The following ATP10B variants were observed in gnomAD, a reference collection of about 807,000 sequenced individuals.
The protein encoded by ATP10B is ATPase phospholipid transporting 10B (putative), also known as phospholipid-transporting ATPase VB.
In ATP10B, 122 loss-of-function variants were observed where a neutral mutation model predicts 141.2. That is an observed-to-expected ratio of 0.86 (90% CI 0.75 to 1.00). ATP10B has a LOEUF of 1.00. Among genes scored for constraint, ATP10B ranks in the 50% least tolerant of loss-of-function variants. The pLI is 0.00. For synonymous variants in ATP10B, 685 were observed against 692.0 expected, an observed-to-expected ratio of 0.99 and a Z score of 0.16; for missense variants, 1,876 against 1,825.3, an observed-to-expected ratio of 1.03 and a Z score of -0.51.
In ATP10B at chr5:160,655,707, A is replaced by G. The variant is rs142913633; in HGVS notation, c.676-6451T>C. On this transcript the variant is annotated intron_variant, in intron 7 of 25. Coordinates refer to ENST00000327245, the MANE Select transcript of ATP10B (RefSeq NM_025153.3). ...ACTTCTTTGGCTCAACAAATAAAAAATGTAGTCACAGTCCTAGATCCCACA... is the reference window on the plus strand; with the variant it reads ...ACTTCTTTGGCTCAACAAATAAAAAGTGTAGTCACAGTCCTAGATCCCACA... Among the ~76,000 whole-genome samples, 319 of 152,306 alleles carry G rather than the reference A, an allele frequency of 2.1e-3. 1 individual carries two copies. Among genetic ancestry groups the G allele is most frequent in the African/African-American group, 7.3e-3 (303 of 41,564 alleles).
the ATP10B span, among the ~76,000 whole-genome samples, chr5:160,893,112 TG>T: frequency 2.0e-5 from 3 of 152,052 alleles, no homozygotes; most frequent in African/African-American, 7.2e-5. Context: ...AGCACAAAAC[TG>T]GGAGGCCGTT....
At position 160,634,374 on chromosome 5, in the gene ATP10B, T is replaced by C; in HGVS notation, c.1361A>G (p.Glu454Gly). The C allele has an allele frequency of 6.2e-7, 1 of 1,614,204 alleles. No individual in the cohort carries two copies. Among genetic ancestry groups the C allele is most frequent in the Non-Finnish European group, 8.5e-7 (1 of 1,180,040 alleles). The change falls in exon 12 of 26, where the codon GAG becomes GGG. Residue 454 changes from glutamate to glycine, a missense_variant. Coordinates refer to ENST00000327245, the MANE Select transcript of ATP10B (RefSeq NM_025153.3). ...VFRRCTIMGS[E>G]YSHQENAKRL... is the part of the protein sequence containing the mutation. ...TATACCATTTTCTTGGTGAGAATACTCGCTGCCCATGATGGTGCAACGTCG... is the reference window on the plus strand; with the variant it reads ...TATACCATTTTCTTGGTGAGAATACCCGCTGCCCATGATGGTGCAACGTCG...
intron 2 of ATP10B, among the ~76,000 whole-genome samples, chr5:160,721,488 GAAA>G (rs1204501913): frequency 6.6e-6 from 1 of 152,130 alleles, no homozygotes; most frequent in African/African-American, 2.4e-5. Context: ...TGAAGCTTCT[GAAA>G]ATTAAACTTT....
intron 9 of ATP10B, among the ~76,000 whole-genome samples, chr5:160,641,480 T>C (rs1401287648): frequency 2.0e-5 from 3 of 152,194 alleles, no homozygotes; most frequent in Non-Finnish European, 4.4e-5. Context: ...TCTCACCCAG[T>C]CACCTTCTTC....
rs553839260 is a variant in ATP10B at position 160,607,393 on chromosome 5, T to C, written c.2839-307A>G. On this transcript the variant is annotated intron_variant, in intron 18 of 25. Transcript: ENST00000327245. ...TAAATAATACTAATATAATGGTAGA[T>C]AATGACAATACGTCATGCTGGTATG... 2.3e-4 allele frequency among the ~76,000 whole-genome samples: 35 copies of C among 152,352 alleles called. No homozygotes were observed. In the South Asian group the frequency reaches 7.2e-3, roughly 32 times the overall value.
At chr5:160,688,673 C>G (rs1173724510) in intron 4 of ATP10B, 87 bp downstream of exon 4, 1 of 766,406 alleles carries the variant, frequency 1.3e-6, no homozygotes, top group Non-Finnish European at 1.6e-6. Context: ...TGGGACACAT[C>G]TTAAAACAAA....
At chr5:160,926,887 T>C in the ATP10B span, among the ~76,000 whole-genome samples, 1 of 152,254 alleles carries the variant, frequency 6.6e-6, no homozygotes, top group Non-Finnish European at 1.5e-5. Context: ...CACACCTTCC[T>C]GTGTATTCGC....
chr5:160,860,489 T>C, the ATP10B span, among the ~76,000 whole-genome samples: 2 of 151,824 alleles, frequency 1.3e-5, no homozygotes, highest in African/African-American at 4.8e-5. Flanking sequence ...AGAAATGAGT[T>C]TGAAGGAATA....
In ATP10B at chr5:160,632,256, C is replaced by T; in HGVS notation, c.1493G>A (p.Ser498Asn). The change falls in exon 13 of 26, where the codon AGC (serine) becomes AAC (asparagine). Residue 498 changes from serine to asparagine, a missense_variant. Coordinates refer to ENST00000327245, the MANE Select transcript of ATP10B (RefSeq NM_025153.3). ...RWAQDPATMRSQKGAQPLRRS... is the reference protein window; with the variant it reads ...RWAQDPATMRNQKGAQPLRRS... ...CCTCAGAGGCTGAGCACCTTTTTGG[C>T]TTCTCATAGTTGCTGGATCCTGGGC... The T allele has an allele frequency of 6.2e-7, 1 of 1,614,192 alleles. No homozygotes were observed. The highest frequency in any genetic ancestry group is 8.5e-7 in the Non-Finnish European group (1 of 1,180,024).
intron 7 of ATP10B, among the ~76,000 whole-genome samples, chr5:160,650,982 C>T (rs1251025202): frequency 6.6e-6 from 1 of 152,142 alleles, no homozygotes; most frequent in East Asian, 1.9e-4. Flanking sequence ...TATAGTGTTT[C>T]AATTTGTTTT....
At chr5:160,803,392 C>G in intron 1 of ATP10B, among the ~76,000 whole-genome samples, 1 of 152,216 alleles carries the variant, frequency 6.6e-6, no homozygotes, top group Non-Finnish European at 1.5e-5. Flanking sequence ...GAAGAGGCTA[C>G]TTGGGCCAGG....
intron 2 of ATP10B, among the ~76,000 whole-genome samples, chr5:160,760,134 A>G (rs1217183225): frequency 1.3e-5 from 2 of 152,198 alleles, no homozygotes; most frequent in Admixed American, 6.5e-5. Context: ...ATTTCATCCT[A>G]TAATAGGCAA....
intron 6 of ATP10B, among the ~76,000 whole-genome samples, chr5:160,684,596 T>C (rs1232633947): frequency 1.3e-5 from 2 of 152,194 alleles, no homozygotes; most frequent in Non-Finnish European, 2.9e-5. Flanking sequence ...GTTAGACACA[T>C]TTGAAATAGT....
chr5:160,574,433 CAAAA>C (rs201222026), intron 24 of ATP10B, among the ~76,000 whole-genome samples: 1 of 151,890 alleles, frequency 6.6e-6, no homozygotes, highest in Non-Finnish European at 1.5e-5. Flanking sequence ...GATTCTATCT[CAAAA>C]AAAATTTTTT....
At chr5:160,580,970 T>C (rs187998956) in intron 24 of ATP10B, among the ~76,000 whole-genome samples, 2,375 of 152,340 alleles carry the variant, frequency 0.016, 29 homozygotes, top group Middle Eastern at 0.075. Flanking sequence ...TATTCTCTGA[T>C]GGTAGTTTGT....
At chr5:160,912,314 C>T in the ATP10B span, among the ~76,000 whole-genome samples, 36 of 151,066 alleles carry the variant, frequency 2.4e-4, no homozygotes, top group South Asian at 4.2e-4. Context: ...CAGTGGCTCA[C>T]GCCTATAATC....
the ATP10B span, among the ~76,000 whole-genome samples, chr5:160,867,817 G>A: frequency 6.6e-6 from 1 of 152,076 alleles, no homozygotes; most frequent in African/African-American, 2.4e-5. Context: ...ACTGTTATAA[G>A]AATATAGGAA....
chr5:160,766,752 A>T (rs1769467424), intron 2 of ATP10B, among the ~76,000 whole-genome samples: 1 of 152,244 alleles, frequency 6.6e-6, no homozygotes, highest in African/African-American at 2.4e-5. Context: ...AATAATTTAA[A>T]AAAGTTAGAA....
At chr5:160,657,567 T>A (rs569281602) in intron 7 of ATP10B, among the ~76,000 whole-genome samples, 1 of 152,290 alleles carries the variant, frequency 6.6e-6, no homozygotes, top group South Asian at 2.1e-4. Flanking sequence ...TTCCCTTTTG[T>A]CAAGTGGACA....
Sources: gnomAD v4.1 joint callset for allele counts (sites outside exome capture counted in the v4.1 genomes callset) on GRCh38, gnomAD v4.1.1 for gene constraint, MANE v1.5 for transcripts, NCBI Gene and HGNC (gene_info 2026-07-23, HGNC 2026-07-21) for gene names.